Variants in ANKS1B observed in about 807,000 individuals in gnomAD.
ANKS1B encodes ankyrin repeat and sterile alpha motif domain-containing protein 1B.
In ANKS1B, 36 loss-of-function variants were observed where a neutral mutation model predicts 148.3. That is an observed-to-expected ratio of 0.24 (90% confidence interval 0.19 to 0.32). The LOEUF (loss-of-function observed/expected upper bound fraction) is 0.32. Ranked by LOEUF, ANKS1B falls within the 10% of genes least tolerant of loss-of-function variation. The pLI is 1.00. For missense variants in ANKS1B, 1,157 were observed against 1,542.6 expected (o/e 0.75, Z 4.19); for synonymous variants, 542 against 560.8 (o/e 0.97, Z 0.47).
chr12:99,183,138 G>T (rs1043029337), intron 14 of ANKS1B, among the ~76,000 whole-genome samples: 5 of 152,088 alleles, frequency 3.3e-5, no homozygotes, highest in African/African-American at 1.2e-4. Context: ...TATTTAGAAA[G>T]AAAACAATAG....
rs548503716 is a variant in ANKS1B at position 99,875,776 on chromosome 12, C to T, written c.135-50387G>A. 2.0e-3 allele frequency among the ~76,000 whole-genome samples: 297 copies of T among 152,298 alleles called. 1 individual carries two copies. The highest frequency in any genetic ancestry group is 3.5e-3 in the Non-Finnish European group (236 of 68,026). ...TTCAGCAGATGTTTACTGTGTGTCTCCACGTGCAAAGCTCTCTAACAAGCA... is the reference window on the plus strand; with the variant it reads ...TTCAGCAGATGTTTACTGTGTGTCTTCACGTGCAAAGCTCTCTAACAAGCA... On this transcript the variant is annotated intron_variant, in intron 1 of 26. Transcript: ENST00000683438.
chr12:99,466,458 T>C (rs1235238042), intron 10 of ANKS1B, among the ~76,000 whole-genome samples: 3 of 151,248 alleles, frequency 2.0e-5, no homozygotes, highest in Admixed American at 1.3e-4. Flanking sequence ...CTGAAGGAAA[T>C]AGAGACACAA....
At chr12:99,583,111 C>T (rs1428606075) in intron 9 of ANKS1B, among the ~76,000 whole-genome samples, 1 of 152,164 alleles carries the variant, frequency 6.6e-6, no homozygotes, top group Non-Finnish European at 1.5e-5. Context: ...GGATACAACA[C>T]ATACAGTCTA....
chr12:99,246,004 A>G (rs543355739), intron 13 of ANKS1B, among the ~76,000 whole-genome samples: 52 of 152,252 alleles, frequency 3.4e-4, no homozygotes, highest in Non-Finnish European at 6.9e-4. Flanking sequence ...AGATGTGAAT[A>G]TTCTCTTGTA....
chr12:99,200,592 C>T (rs1326297933), intron 14 of ANKS1B, among the ~76,000 whole-genome samples: 1 of 152,042 alleles, frequency 6.6e-6, no homozygotes, highest in Non-Finnish European at 1.5e-5. Context: ...TTTTGTTCTC[C>T]ATTGCTCTAT....
intron 17 of ANKS1B, among the ~76,000 whole-genome samples, chr12:98,915,065 C>A (rs11109667): frequency 0.059 from 8,893 of 151,980 alleles, 319 homozygotes; most frequent in East Asian, 0.11. Context: ...GAATTATGTT[C>A]CCCCCACCAC....
intron 8 of ANKS1B, among the ~76,000 whole-genome samples, chr12:99,771,924 GT>G (rs201269913): frequency 2.0e-5 from 3 of 151,300 alleles, no homozygotes; most frequent in Non-Finnish European, 3.0e-5. Flanking sequence ...TACTTAGCAA[GT>G]TTTTTTTTAG....
chr12:99,426,476 C>T (rs1035906857), intron 11 of ANKS1B, among the ~76,000 whole-genome samples: 1 of 150,166 alleles, frequency 6.7e-6, no homozygotes, highest in Non-Finnish European at 1.5e-5. Context: ...CTGTCTCATA[C>T]AACTGTTCTA....
Position 99,217,001 on chromosome 12 carries a change from G to A in ANKS1B, c.2419+27341C>T, listed in dbSNP as rs948590071. On this transcript the variant is annotated intron_variant, in intron 14 of 26. Coordinates refer to ENST00000683438, the MANE Select transcript of ANKS1B (RefSeq NM_001352186.2). Reference sequence around the variant, plus strand: ...GGACATAGCTGAAGACATTTTATTGGGTCAAAGATGGAAGCTGTGTGTTAA... The same window carrying A: ...GGACATAGCTGAAGACATTTTATTGAGTCAAAGATGGAAGCTGTGTGTTAA... Among the ~76,000 whole-genome samples, 118 of 152,216 alleles carry A rather than the reference G, an allele frequency of 7.8e-4. 1 individual carries two copies. The highest frequency in any genetic ancestry group is 1.2e-3 in the East Asian group (6 of 5,176).
chr12:99,454,166 A>G (rs1413642214), intron 10 of ANKS1B, among the ~76,000 whole-genome samples: 1 of 152,244 alleles, frequency 6.6e-6, no homozygotes, highest in Non-Finnish European at 1.5e-5. Flanking sequence ...TTGGCAAGAT[A>G]AAGTATTCAG....
At chr12:99,752,742 C>T (rs1394042642) in intron 8 of ANKS1B, among the ~76,000 whole-genome samples, 1 of 151,774 alleles carries the variant, frequency 6.6e-6, no homozygotes, top group African/African-American at 2.4e-5. Context: ...TTTCTGAAAA[C>T]ACATTACTAT....
chr12:98,939,352 A>G (rs375210704), intron 17 of ANKS1B, among the ~76,000 whole-genome samples: 2 of 152,222 alleles, frequency 1.3e-5, no homozygotes, highest in East Asian at 3.8e-4. Context: ...CTGCTCTGGA[A>G]TTGATAAAAG....
At chr12:99,543,583 C>T (rs893067238) in intron 9 of ANKS1B, among the ~76,000 whole-genome samples, 8 of 151,934 alleles carry the variant, frequency 5.3e-5, no homozygotes, top group African/African-American at 1.9e-4. Context: ...AAATGCCTAC[C>T]AATTGATGAA....
intron 25 of ANKS1B, among the ~76,000 whole-genome samples, chr12:98,768,481 T>C (rs1166603215): frequency 1.6e-5 from 2 of 124,498 alleles, no homozygotes; most frequent in Middle Eastern, 5.5e-3. Flanking sequence ...ATGCCTGTAA[T>C]CCCAGCACTT....
chr12:99,720,685 T>C (rs1382721117), intron 8 of ANKS1B, among the ~76,000 whole-genome samples: 1 of 152,200 alleles, frequency 6.6e-6, no homozygotes, highest in Non-Finnish European at 1.5e-5. Flanking sequence ...TTGGAGCTCC[T>C]GTATGGACGC....
chr12:99,654,102 A>C (rs1431156972), intron 9 of ANKS1B, among the ~76,000 whole-genome samples: 1 of 152,170 alleles, frequency 6.6e-6, no homozygotes, highest in Non-Finnish European at 1.5e-5. Flanking sequence ...ACTGTCTTAA[A>C]GTCCTATGAA....
intron 16 of ANKS1B, among the ~76,000 whole-genome samples, chr12:99,070,959 C>T (rs2046091016): frequency 6.6e-6 from 1 of 152,182 alleles, no homozygotes; most frequent in African/African-American, 2.4e-5. Context: ...GCCAACACGC[C>T]CAGCCACAAC....
chr12:99,579,277 A>G (rs1449190517), intron 9 of ANKS1B, among the ~76,000 whole-genome samples: 1 of 152,188 alleles, frequency 6.6e-6, no homozygotes, highest in Non-Finnish European at 1.5e-5. Context: ...ATCATTTTGG[A>G]CATAGGTCTG....
At chr12:99,256,870 G>A (rs1299340139) in intron 12 of ANKS1B, among the ~76,000 whole-genome samples, 3 of 152,118 alleles carry the variant, frequency 2.0e-5, no homozygotes, top group East Asian at 3.9e-4. Context: ...TTCTGGACCT[G>A]TGAATCCATA....
Sources: gnomAD v4.1 joint callset for allele counts (sites outside exome capture counted in the v4.1 genomes callset) on GRCh38, gnomAD v4.1.1 for gene constraint, MANE v1.5 for transcripts, NCBI Gene and HGNC (gene_info 2026-07-23, HGNC 2026-07-21) for gene names.